The following THNSL1 variants were observed in gnomAD, a reference collection of about 807,000 sequenced individuals.
The protein encoded by THNSL1 is threonine synthase like 1, also known as threonine synthase-like 1.
In THNSL1, 48 loss-of-function variants were observed where a neutral mutation model predicts 50.4. The observed-to-expected ratio is 0.95, with a 90% confidence interval of 0.76 to 1.21. THNSL1 has a LOEUF of 1.21. THNSL1 is among the 50% of genes most tolerant of loss of function. THNSL1 has a pLI of 0.00. For missense variants in THNSL1, 896 were observed against 871.7 expected (o/e 1.03, Z -0.35); for synonymous variants, 309 against 306.1 (o/e 1.01, Z -0.10).
chr10:24,989,091 G>A, the THNSL1 span, among the ~76,000 whole-genome samples: 1 of 152,096 alleles, frequency 6.6e-6, no homozygotes, highest in Non-Finnish European at 1.5e-5. Context: ...TCACTTCTAA[G>A]TTCTTTGTCA....
At position 25,023,764 on chromosome 10, in the gene THNSL1, T is replaced by C. The variant is rs1427462192; in HGVS notation, c.541T>C (p.Ser181Pro). The C allele has an allele frequency of 2.5e-6, 4 of 1,613,856 alleles. No individual in the cohort carries two copies. Among genetic ancestry groups the C allele is most frequent in the African/African-American group, 1.3e-5 (1 of 74,920 alleles). The change falls in exon 3 of 3, where the codon TCT becomes CCT. Residue 181 changes from serine to proline, a missense_variant. By Grantham distance (74) the Ser-to-Pro change is moderately conservative. Transcript: ENST00000376356. ...DRIVGQNSGT[S>P]MKDLLKFRRQ... ...GATTGTAGGTCAGAATTCTGGAACA[T>C]CTATGAAAGACTTACTTAAATTTAG...
the THNSL1 span, chr10:24,952,688 G>T: frequency 3.5e-6 from 3 of 860,984 alleles, no homozygotes; most frequent in Non-Finnish European, 5.4e-6. This position sits in a 1 kb window ranked among gnomAD's most constrained non-coding sequence, Gnocchi z 5.1. Context: ...ACGGGGACGG[G>T]GACGGGGACG....
chr10:25,025,435 G>T lies in THNSL1; in HGVS notation c.2212G>T (p.Val738Phe). ...CTTGAAGAGTCATGTGGAACAACTT[G>T]TCCAAAATCAATTCATATGAAAGCT... ...NVLKSHVEQLVQNQFI is the reference protein window; with the variant it reads ...NVLKSHVEQLFQNQFI Residue 738 changes from valine to phenylalanine, a missense_variant, in exon 3 of 3, where the codon GTC becomes TTC. Physicochemically the swap from Val to Phe is conservative, Grantham distance 50 (BLOSUM62 -1). Transcript: ENST00000376356. 1 of 1,602,958 alleles carries T rather than the reference G, an allele frequency of 6.2e-7. No homozygotes were observed. Among genetic ancestry groups the T allele is most frequent in the Non-Finnish European group, 8.5e-7 (1 of 1,176,020 alleles).
chr10:24,957,815 G>A, the THNSL1 span, among the ~76,000 whole-genome samples: 1 of 152,110 alleles, frequency 6.6e-6, no homozygotes, highest in Non-Finnish European at 1.5e-5. Flanking sequence ...AGAAAGAGGG[G>A]TCTAGTTTCA....
chr10:24,971,809 T>C, the THNSL1 span, among the ~76,000 whole-genome samples: 2 of 152,200 alleles, frequency 1.3e-5, no homozygotes, highest in East Asian at 3.9e-4. Flanking sequence ...GTATGCAACA[T>C]CATGCACAGA....
the THNSL1 span, among the ~76,000 whole-genome samples, chr10:24,976,981 G>A: frequency 1.3e-5 from 2 of 152,128 alleles, no homozygotes; most frequent in Non-Finnish European, 2.9e-5. Flanking sequence ...GACAGGGAAG[G>A]GAGTGTCCCA....
At chr10:24,967,001 TA>T in the THNSL1 span, among the ~76,000 whole-genome samples, 3 of 152,118 alleles carry the variant, frequency 2.0e-5, no homozygotes, top group Non-Finnish European at 4.4e-5. Context: ...CATAACAATT[TA>T]TTTTTTTTTT....
chr10:24,999,412 G>A, the THNSL1 span: 6 of 1,608,256 alleles, frequency 3.7e-6, no homozygotes, highest in South Asian at 1.1e-5. Flanking sequence ...GGGTGGTAGA[G>A]TTTTTTCCTT....
chr10:25,012,936 T>G (rs557391323), upstream of THNSL1, among the ~76,000 whole-genome samples: 1 of 152,234 alleles, frequency 6.6e-6, no homozygotes, highest in Admixed American at 6.5e-5. Context: ...ATTGATGAGA[T>G]CCCATAATTC....
chr10:24,984,212 G>A, the THNSL1 span: 2 of 722,064 alleles, frequency 2.8e-6, no homozygotes, highest in Non-Finnish European at 4.3e-6. Flanking sequence ...TTTCTCACTG[G>A]GAATAACTGC....
the THNSL1 span, among the ~76,000 whole-genome samples, chr10:24,986,499 A>T: frequency 2.0e-5 from 3 of 152,240 alleles, no homozygotes; most frequent in African/African-American, 7.2e-5. Context: ...CTATTTCTCC[A>T]CAGCCTTTCA....
the THNSL1 span, chr10:24,990,378 A>G: frequency 2.5e-5 from 37 of 1,492,260 alleles, 1 homozygote; most frequent in South Asian, 5.0e-4. Context: ...CCAAGTGCTG[A>G]CTTTAATCAT....
chr10:24,954,959 G>T, the THNSL1 span, among the ~76,000 whole-genome samples: 1 of 152,116 alleles, frequency 6.6e-6, no homozygotes, highest in Non-Finnish European at 1.5e-5. Context: ...TCTGTTACAT[G>T]TTGTATTAGT....
At chr10:24,961,356 C>A in the THNSL1 span, among the ~76,000 whole-genome samples, 5 of 152,180 alleles carry the variant, frequency 3.3e-5, no homozygotes, top group African/African-American at 1.2e-4. Context: ...AAGTATACTA[C>A]TTCCAAATTT....
rs1850829159 is a variant in THNSL1 at position 25,025,380 on chromosome 10, G to A, written c.2157G>A (p.Glu719=). The change falls in exon 3 of 3, where the codon GAG becomes GAA. Residue 719 remains glutamate (E), a synonymous_variant. Transcript: ENST00000376356. ...LERTKQQEKM[E]YQVCAADMNV... is the part of the protein sequence containing the mutation. ...GAACAAAACAGCAAGAGAAGATGGA[G>A]TACCAGGTCTGTGCAGCTGATATGA... The A allele has an allele frequency of 6.2e-7, 1 of 1,614,204 alleles. No individual in the cohort carries two copies. The highest frequency in any genetic ancestry group is 8.5e-7 in the Non-Finnish European group (1 of 1,180,030).
the THNSL1 span, among the ~76,000 whole-genome samples, chr10:24,961,165 A>G: frequency 6.6e-6 from 1 of 152,330 alleles, no homozygotes; most frequent in African/African-American, 2.4e-5. Context: ...GTGATTCTGG[A>G]AAGTTTATCT....
chr10:25,007,686 G>A, the THNSL1 span, among the ~76,000 whole-genome samples: 6 of 151,984 alleles, frequency 3.9e-5, no homozygotes, highest in Non-Finnish European at 7.4e-5. Context: ...CGCCTGCCTC[G>A]GCCTCCCAAA....
At chr10:24,967,821 G>A in the THNSL1 span, among the ~76,000 whole-genome samples, 1 of 151,694 alleles carries the variant, frequency 6.6e-6, no homozygotes, top group Admixed American at 6.6e-5. Flanking sequence ...ATATGTGCAT[G>A]TATATGATGT....
chr10:25,018,659 GTTT>G (rs374289213), intron 1 of THNSL1, among the ~76,000 whole-genome samples: 14 of 93,714 alleles, frequency 1.5e-4, no homozygotes, highest in Admixed American at 2.5e-4. Flanking sequence ...AATGAGAGTT[GTTT>G]TTTTTTTTTT....
Sources: gnomAD v4.1 joint callset for allele counts (sites outside exome capture counted in the v4.1 genomes callset) on GRCh38, gnomAD v4.1.1 for gene constraint, Gnocchi (gnomAD v3.1) non-coding constraint, MANE v1.5 for transcripts, NCBI Gene and HGNC (gene_info 2026-07-23, HGNC 2026-07-21) for gene names.